CNTNAP3: variants seen among roughly 807,000 people sequenced by gnomAD.
The protein encoded by CNTNAP3 is contactin associated protein family member 3, also known as contactin-associated protein-like 3.
Under a neutral mutation model 92.1 loss-of-function variants are expected in CNTNAP3, and 36 were observed. That is an observed-to-expected ratio of 0.39 (90% CI 0.30 to 0.52). The LOEUF is 0.52. Among genes scored for constraint, CNTNAP3 ranks in the 20% least tolerant of loss-of-function variants. The pLI, the probability that CNTNAP3 is intolerant of heterozygous loss-of-function variation, is 0.76. For synonymous variants in CNTNAP3, 232 were observed against 422.3 expected, an observed-to-expected ratio of 0.55 and a Z score of 5.53; for missense variants, 534 against 1,069.6, an observed-to-expected ratio of 0.50 and a Z score of 6.98.
rs1825656427 is a variant in CNTNAP3 at position 39,072,735 on chromosome 9, C to T, written c.*1155G>A. 6.6e-6 allele frequency: 1 copy of T among 151,952 alleles called. No homozygotes were observed. The highest frequency in any genetic ancestry group is 2.4e-5 in the African/African-American group (1 of 41,382). 9.4% of individuals were successfully genotyped at this position (151,952 alleles called of 1,614,324 possible). A position where few individuals can be genotyped will look rare whatever the true frequency, so the allele number is the denominator to read the frequency against. On this transcript the variant is annotated 3_prime_UTR_variant, in exon 24 of 24. Coordinates refer to ENST00000297668, the MANE Select transcript of CNTNAP3 (RefSeq NM_033655.5). ...TACACAATGATATTTATGCCTAGAG[C>T]AGTTCAAAATTTAGAAAAGGAATTA...
chr9:39,080,217 A>C (rs1194316622), intron 21 of CNTNAP3, among the ~76,000 whole-genome samples: 1 of 141,368 alleles, frequency 7.1e-6, no homozygotes, highest in East Asian at 2.1e-4. Context: ...GCTTAGCAAG[A>C]ATCCTGCCAA....
At chr9:39,089,428 T>C (rs1192984983) in intron 18 of CNTNAP3, among the ~76,000 whole-genome samples, 1 of 152,248 alleles carries the variant, frequency 6.6e-6, no homozygotes, top group Non-Finnish European at 1.5e-5. Context: ...ATGTAAATAG[T>C]AATGGATGTG....
chr9:39,117,907 C>A (rs576972387), intron 14 of CNTNAP3, 196 bp downstream of exon 14: 2 of 1,311,454 alleles, frequency 1.5e-6, no homozygotes, highest in Non-Finnish European at 2.1e-6. Flanking sequence ...ATAGTATTCA[C>A]AACGAACTAG....
intron 12 of CNTNAP3, among the ~76,000 whole-genome samples, chr9:39,139,443 G>A (rs1182817826): frequency 6.6e-6 from 1 of 152,198 alleles, no homozygotes; most frequent in Non-Finnish European, 1.5e-5. Flanking sequence ...TGAATCTTCT[G>A]AACGTCCCCT....
intron 12 of CNTNAP3, among the ~76,000 whole-genome samples, chr9:39,139,139 G>A (rs937758135): frequency 3.0e-4 from 45 of 152,108 alleles, no homozygotes; most frequent in Non-Finnish European, 6.0e-4. Flanking sequence ...CATTTTCTAG[G>A]GCAGAAAAGA....
In CNTNAP3 at chr9:39,080,650, T is replaced by C. The variant is rs1388800611; in HGVS notation, c.3443-1730A>G. On this transcript the variant is annotated intron_variant, in intron 21 of 23. Transcript: ENST00000297668. ...AGTTTAGAGAAGAATCACATAATTT[T>C]AGGGCAGACCTTTTTTTTTTTTTTT... 3.6e-5 allele frequency among the ~76,000 whole-genome samples: 5 copies of C among 137,070 alleles called. 1 individual carries two copies. The highest frequency in any genetic ancestry group is 8.1e-5 in the African/African-American group (3 of 36,948). 89.9% of individuals were successfully genotyped at this position (137,070 alleles called of 152,430 possible).
rs371152431 is a variant in CNTNAP3, at chr9:39,090,190, C to T, written c.2996-1543G>A. The stretch of plus-strand genomic sequence containing the variant: ...TCCTGACCTCGTGATCTGCCCACCT[C>T]GGCCTCCCAAAATGCTGGGATTACA... On this transcript the variant is annotated intron_variant, in intron 18 of 23. Coordinates refer to ENST00000297668, the MANE Select transcript of CNTNAP3 (RefSeq NM_033655.5). Among the ~76,000 whole-genome samples the T allele has an allele frequency of 1.7e-3, 255 of 152,240 alleles. 1 individual carries two copies. In the East Asian group the frequency reaches 0.023, roughly 14 times the overall value.
chr9:39,112,637 A>G (rs1467948032), intron 14 of CNTNAP3, among the ~76,000 whole-genome samples: 2 of 152,074 alleles, frequency 1.3e-5, no homozygotes, highest in East Asian at 3.9e-4. Context: ...GTGCTGGGAT[A>G]ACAGGTGTGA....
At chr9:39,139,068 T>C (rs540076641) in intron 12 of CNTNAP3, among the ~76,000 whole-genome samples, 7 of 152,294 alleles carry the variant, frequency 4.6e-5, no homozygotes, top group African/African-American at 7.2e-5. Context: ...ATTGCTTGAT[T>C]TGTACAACTA....
At chr9:39,132,420 C>T (rs1276648409) in intron 13 of CNTNAP3, among the ~76,000 whole-genome samples, 13 of 152,098 alleles carry the variant, frequency 8.5e-5, no homozygotes, top group Non-Finnish European at 1.0e-4. Flanking sequence ...GAGACACCCA[C>T]TGACAAAAGG....
At chr9:39,095,619 G>A (rs1446805455) in intron 18 of CNTNAP3, among the ~76,000 whole-genome samples, 3 of 143,738 alleles carry the variant, frequency 2.1e-5, no homozygotes, top group Admixed American at 1.4e-4. Context: ...TTAATCTTGT[G>A]TAATATGTTG....
chr9:39,129,400 T>C (rs1821223706), intron 13 of CNTNAP3, among the ~76,000 whole-genome samples: 1 of 152,244 alleles, frequency 6.6e-6, no homozygotes, highest in Middle Eastern at 3.4e-3. Flanking sequence ...TTTCAACAAA[T>C]GGTTCTGGAG....
rs1825500472 is a variant in CNTNAP3, at chr9:39,065,928, A to T, written c.*7962T>A. ...CTGTAGCTTGACTCTTATTCTCTTA[A>T]CAATGTATTTTAAAAGGAGAGTTGT... On this transcript the variant is annotated 3_prime_UTR_variant, in exon 24 of 24. Transcript: ENST00000297668. 6.6e-6 allele frequency among the ~76,000 whole-genome samples: 1 copy of T among 152,188 alleles called. No homozygotes were observed. The highest frequency in any genetic ancestry group is 1.5e-5 in the Non-Finnish European group (1 of 68,032).
At chr9:39,159,411 A>ATATTTTTT (rs545909606) in intron 9 of CNTNAP3, 15 of 129,348 alleles carry the variant, frequency 1.2e-4, no homozygotes, top group African/African-American at 4.4e-4. Flanking sequence ...ATATATATAT[A>ATATTTTTT]TTTTTTTTTC....
chr9:39,103,361 C>A (rs1043701594), intron 16 of CNTNAP3, among the ~76,000 whole-genome samples: 1 of 152,096 alleles, frequency 6.6e-6, no homozygotes, highest in African/African-American at 2.4e-5. Context: ...GCAGGCAGAT[C>A]ACTTGAGGCC....
At chr9:39,130,557 T>G (rs893841990) in intron 13 of CNTNAP3, among the ~76,000 whole-genome samples, 4 of 141,978 alleles carry the variant, frequency 2.8e-5, no homozygotes, top group Admixed American at 7.7e-5. Context: ...CAGGCTGGAG[T>G]GCAGTGGCGC....
Position 39,109,191 on chromosome 9 carries a change from A to C in CNTNAP3, c.2334T>G (p.Tyr778Ter). 6.2e-7 allele frequency: 1 copy of C among 1,613,074 alleles called. No homozygotes were observed. The highest frequency in any genetic ancestry group is 8.5e-7 in the Non-Finnish European group (1 of 1,179,802). Reference sequence around the variant, plus strand: ...CGCGGCAGAGCAGTGGCCCCAGTGTATAAGCTGCTTCGGAATGTGGTCGGC... The same window carrying C: ...CGCGGCAGAGCAGTGGCCCCAGTGTCTAAGCTGCTTCGGAATGTGGTCGGC... The part of the protein sequence containing the change: ...DAGRPHSEAA[Y>*]TLGPLLCRGD... Residue 778 changes from tyrosine to a stop codon, truncating the protein, a stop_gained, in exon 15 of 24, where the codon TAT becomes TAG. Coordinates refer to ENST00000297668, the MANE Select transcript of CNTNAP3 (RefSeq NM_033655.5). LOFTEE classifies it high-confidence loss of function.
At chr9:39,116,924 G>A (rs1449359414) in intron 14 of CNTNAP3, among the ~76,000 whole-genome samples, 1 of 151,974 alleles carries the variant, frequency 6.6e-6, no homozygotes, top group Non-Finnish European at 1.5e-5. Context: ...GCTTAGATTA[G>A]CTATTTTATG....
chr9:39,100,719 A>G (rs1231524251), intron 17 of CNTNAP3, among the ~76,000 whole-genome samples: 1 of 152,106 alleles, frequency 6.6e-6, no homozygotes, highest in African/African-American at 2.4e-5. Context: ...CTCCTCTCAG[A>G]GGGTACAGTG....
Sources: allele counts gnomAD v4.1 joint callset (sites outside exome capture counted in the v4.1 genomes callset), GRCh38; gene constraint gnomAD v4.1.1; transcripts MANE v1.5; gene names NCBI Gene and HGNC (gene_info 2026-07-23, HGNC 2026-07-21).